The following DMC1 variants were observed in gnomAD, a reference collection of about 807,000 sequenced individuals.
DMC1 encodes the protein DNA meiotic recombinase 1, also known as meiotic recombination protein DMC1 homolog.
DMC1 carries 27 observed loss-of-function variants against 50.1 expected under a neutral mutation model. The observed-to-expected ratio is 0.54, with a 90% CI of 0.40 to 0.74. The LOEUF is 0.74. Ranked by LOEUF, DMC1 falls within the 30% of genes least tolerant of loss-of-function variation. The pLI is 0.00. For synonymous variants in DMC1, 148 were observed against 136.1 expected (o/e 1.09, Z -0.61); for missense variants, 295 against 420.2 (o/e 0.70, Z 2.60).
In DMC1 at chr22:38,562,422, A is replaced by G; in HGVS notation, c.244-53T>C. ...AAAAGAGTTTAAAGATCATGGTTGT[A>G]TTTTCAAATGTTGCCCAAAATGATA... On this transcript the variant is annotated intron_variant, in intron 4 of 13. Coordinates refer to ENST00000216024, the MANE Select transcript of DMC1 (RefSeq NM_007068.4). The G allele has an allele frequency of 2.3e-6, 3 of 1,301,538 alleles. No homozygotes were observed. The South Asian group carries it at 3.6e-5, about 15-fold the overall frequency. 80.6% of individuals were successfully genotyped at this position (1,301,538 alleles called of 1,614,324 possible).
chr22:38,557,460 C>T (rs1457965227), intron 5 of DMC1, among the ~76,000 whole-genome samples: 1 of 152,024 alleles, frequency 6.6e-6, no homozygotes, highest in African/African-American at 2.4e-5. Flanking sequence ...AATCTTAGCA[C>T]TTTGGGAGGC....
intron 7 of DMC1, among the ~76,000 whole-genome samples, chr22:38,550,438 C>T (rs2090391455): frequency 1.3e-5 from 2 of 150,670 alleles, no homozygotes; most frequent in Admixed American, 6.6e-5. Flanking sequence ...CTCAGCCTCC[C>T]AAGTAGCTGG....
chr22:38,554,923 A>C (rs1216578356), intron 6 of DMC1, among the ~76,000 whole-genome samples: 1 of 152,076 alleles, frequency 6.6e-6, no homozygotes, highest in Non-Finnish European at 1.5e-5. Context: ...CTCCACTAAA[A>C]ATACAAAAAA....
the DMC1 span, among the ~76,000 whole-genome samples, chr22:38,511,349 C>T: frequency 6.6e-6 from 1 of 152,024 alleles, no homozygotes; most frequent in Non-Finnish European, 1.5e-5. Flanking sequence ...GAGGCCGAGG[C>T]GGGAGGATCC....
At chr22:38,525,549 G>C (rs1261831500) in intron 12 of DMC1, among the ~76,000 whole-genome samples, 1 of 152,170 alleles carries the variant, frequency 6.6e-6, no homozygotes, top group African/African-American at 2.4e-5. Flanking sequence ...TGTAGGTGAA[G>C]AGCCTGAATG....
intron 12 of DMC1, among the ~76,000 whole-genome samples, 153 bp downstream of exon 12, chr22:38,537,439 C>T (rs1012726019): frequency 6.6e-6 from 1 of 152,102 alleles, no homozygotes; most frequent in African/African-American, 2.4e-5. Context: ...GTCTCCATCT[C>T]CTGACCTCGT....
chr22:38,554,071 G>A (rs1204332866), intron 6 of DMC1, among the ~76,000 whole-genome samples: 2 of 151,872 alleles, frequency 1.3e-5, no homozygotes, highest in Non-Finnish European at 2.9e-5. Flanking sequence ...AGAGGTTGCA[G>A]TGAGCCGAGA....
intron 12 of DMC1, among the ~76,000 whole-genome samples, chr22:38,532,763 G>C (rs1184724812): frequency 6.6e-6 from 1 of 152,042 alleles, no homozygotes. Flanking sequence ...AGGACTACAG[G>C]CATGTGCCAC....
At chr22:38,544,995 A>C (rs1476384745) in intron 8 of DMC1, among the ~76,000 whole-genome samples, 1 of 152,172 alleles carries the variant, frequency 6.6e-6, no homozygotes, top group African/African-American at 2.4e-5. Flanking sequence ...CAGAAGACAT[A>C]CAAATGGCAA....
chr22:38,519,898 C>A lies in DMC1; in HGVS notation c.*122G>T. 1 of 756,346 alleles carries A rather than the reference C, an allele frequency of 1.3e-6. No individual in the cohort carries two copies. The highest frequency in any genetic ancestry group is 2.3e-6 in the Non-Finnish European group (1 of 426,676). The allele number at this position is 756,346 out of a possible 1,614,324, so 46.9% of individuals were successfully genotyped here. ...TAAATATAAGATTTAAATCTCTTTG[C>A]TGACTTTTCTTTAGTAACATGTGGG... is the stretch of plus-strand genomic sequence containing the variant. On this transcript the variant is annotated 3_prime_UTR_variant, in exon 14 of 14. Transcript: ENST00000216024.
intron 1 of DMC1, among the ~76,000 whole-genome samples, chr22:38,569,633 G>A (rs991321294): frequency 6.6e-6 from 1 of 152,206 alleles, no homozygotes; most frequent in African/African-American, 2.4e-5. Flanking sequence ...CATCTCTCAA[G>A]GAGCCGTTGA....
At chr22:38,558,755 G>A (rs970935108) in intron 5 of DMC1, among the ~76,000 whole-genome samples, 4 of 152,070 alleles carry the variant, frequency 2.6e-5, no homozygotes, top group Non-Finnish European at 4.4e-5. Flanking sequence ...GCTCCTGAAT[G>A]ATCTTTTCTG....
At chr22:38,512,904 C>CA in the DMC1 span, among the ~76,000 whole-genome samples, 1 of 152,046 alleles carries the variant, frequency 6.6e-6, no homozygotes, top group South Asian at 2.1e-4. Flanking sequence ...GCCAACATGG[C>CA]AAAACCCCAT....
rs199821104 is a variant in DMC1, at chr22:38,538,391, C to T, written c.679G>A (p.Ala227Thr). Reference sequence around the variant, plus strand: ...CCACTGAAATCCACTCGAAAAAGTGCCATTATTGAATCGATAATCTACACA... The same window carrying T: ...CCACTGAAATCCACTCGAAAAAGTGTCATTATTGAATCGATAATCTACACA... ...FKLLIIDSIM[A>T]LFRVDFSGRG... The change falls in exon 11 of 14, where the codon GCA becomes ACA. Residue 227 changes from alanine (A) to threonine (T), a missense_variant. Physicochemically the swap from Ala to Thr is moderately conservative, Grantham distance 58 (BLOSUM62 0). Transcript: ENST00000216024. 54 of 1,610,136 alleles carry T rather than the reference C, an allele frequency of 3.4e-5. No individual in the cohort carries two copies. Among genetic ancestry groups the T allele is most frequent in the Non-Finnish European group, 4.0e-5 (47 of 1,178,658 alleles).
At chr22:38,521,350 T>C (rs1343610967) in intron 13 of DMC1, among the ~76,000 whole-genome samples, 2 of 151,926 alleles carry the variant, frequency 1.3e-5, no homozygotes, top group East Asian at 3.9e-4. Context: ...CTAGTAACAG[T>C]AGGGACTTCC....
At chr22:38,539,098 A>G (rs1405828361) in intron 9 of DMC1, among the ~76,000 whole-genome samples, 1 of 152,194 alleles carries the variant, frequency 6.6e-6, no homozygotes, top group African/African-American at 2.4e-5. Flanking sequence ...TACATTATCC[A>G]AAAAGAATGT....
chr22:38,547,864 T>C (rs908209626), intron 8 of DMC1, among the ~76,000 whole-genome samples: 3 of 152,098 alleles, frequency 2.0e-5, no homozygotes, highest in Non-Finnish European at 4.4e-5. Flanking sequence ...GTCAATTTCA[T>C]ACTGCCTCCC....
rs545802705 is a variant in DMC1, at chr22:38,544,610, A to G, written c.495-5198T>C. Among the ~76,000 whole-genome samples the G allele has an allele frequency of 2.3e-3, 353 of 151,574 alleles. 4 individuals are homozygous for G. The highest frequency in any genetic ancestry group is 7.2e-3 in the African/African-American group (296 of 41,228). On this transcript the variant is annotated intron_variant, in intron 8 of 13. Transcript: ENST00000216024. ...AGGCTGTGTCACGGGCGTATCCCCA[A>G]TCTTGGCAAAATAAACTTTCTTTTT...
rs1316932302 is a variant in DMC1, at chr22:38,519,340, G to C, written c.*680C>G. The C allele has an allele frequency of 6.6e-6, 1 of 152,644 alleles. No individual in the cohort carries two copies. Among genetic ancestry groups the C allele is most frequent in the Non-Finnish European group, 1.5e-5 (1 of 68,424 alleles). 9.5% of individuals were successfully genotyped at this position (152,644 alleles called of 1,614,324 possible). A position where few individuals can be genotyped will look rare whatever the true frequency, so the allele number is the denominator to read the frequency against. On this transcript the variant is annotated 3_prime_UTR_variant, in exon 14 of 14. Transcript: ENST00000216024. ...GCCTCCCAAAGTGCTGGGATTACAG[G>C]TGTGAGCCACCACGCCCAGCCATAA...
Sources: allele counts gnomAD v4.1 joint callset (sites outside exome capture counted in the v4.1 genomes callset), GRCh38; gene constraint gnomAD v4.1.1; transcripts MANE v1.5; gene names NCBI Gene and HGNC (gene_info 2026-07-23, HGNC 2026-07-21).